EIF3E: variants seen among roughly 807,000 people sequenced by gnomAD.
EIF3E encodes eIF-3 p48.
EIF3E carries 25 observed loss-of-function variants against 59.3 expected under a neutral mutation model. The ratio of observed to expected loss-of-function variants is 0.42; its 90% confidence interval spans 0.31 to 0.59. EIF3E has a LOEUF of 0.59. EIF3E is among the 20% of genes least tolerant of loss of function. The probability of loss-of-function intolerance (pLI) is 0.15; values close to 1 mark genes in which losing one functional copy is unlikely to be tolerated. For missense variants in EIF3E, 317 were observed against 534.3 expected (o/e 0.59, Z 4.01); for synonymous variants, 176 against 170.2 (o/e 1.03, Z -0.26).
At position 108,203,456 on chromosome 8, in the gene EIF3E, C is replaced by T; in HGVS notation, c.1109G>A (p.Trp370Ter). 1 of 1,612,742 alleles carries T rather than the reference C, an allele frequency of 6.2e-7. No individual in the cohort carries two copies. The highest frequency in any genetic ancestry group is 1.1e-5 in the South Asian group (1 of 91,022). The change falls in exon 11 of 13, where the codon TGG (tryptophan) becomes TAG (stop). Residue 370 changes from tryptophan (W) to a stop codon, truncating the protein, a stop_gained. Transcript: ENST00000220849. LOFTEE classifies it high-confidence loss of function. ...TGCATTTCTAATCAAATTTACAATC[C>T]ACCTTTCAGCTTCTTCTGGAGTCAT... is the stretch of plus-strand genomic sequence containing the variant. ...LNMTPEEAER[W>*]IVNLIRNARL...
intron 1 of EIF3E, chr8:108,242,724 C>T (rs1463157198): frequency 1.0e-6 from 1 of 991,682 alleles, no homozygotes; most frequent in Non-Finnish European, 1.2e-6. Context: ...ACAGACCTTG[C>T]AATTGAAATG....
At chr8:108,202,313 T>A (rs981156873) in intron 12 of EIF3E, among the ~76,000 whole-genome samples, 2 of 152,092 alleles carry the variant, frequency 1.3e-5, no homozygotes, top group Admixed American at 1.3e-4. Flanking sequence ...AACTAAAGGA[T>A]TATTCTGCGG....
At chr8:108,208,461 G>T (rs1815145651) in intron 10 of EIF3E, among the ~76,000 whole-genome samples, 1 of 152,036 alleles carries the variant, frequency 6.6e-6, no homozygotes, top group East Asian at 1.9e-4. Flanking sequence ...ACAGGACAAA[G>T]AAAAGAGGAG....
At chr8:108,241,500 G>T (rs987875835) in intron 2 of EIF3E, among the ~76,000 whole-genome samples, 5 of 151,176 alleles carry the variant, frequency 3.3e-5, no homozygotes, top group Non-Finnish European at 7.4e-5. Context: ...AGCAACCCAA[G>T]AACTGCAACA....
intron 10 of EIF3E, among the ~76,000 whole-genome samples, chr8:108,212,316 T>C (rs558089649): frequency 1.3e-5 from 2 of 152,338 alleles, no homozygotes; most frequent in African/African-American, 4.8e-5. Flanking sequence ...TTGGAAACCA[T>C]ACTTCAAGAT....
intron 9 of EIF3E, among the ~76,000 whole-genome samples, chr8:108,215,486 T>C (rs1270933065): frequency 6.6e-6 from 1 of 151,890 alleles, no homozygotes; most frequent in Non-Finnish European, 1.5e-5. Context: ...GGCGTGGTGG[T>C]GGGCGCCTAT....
In EIF3E at chr8:108,240,029, A is replaced by C. The variant is rs1253258749; in HGVS notation, c.252T>G (p.Leu84=). The part of the protein sequence containing the change: ...RTTVVAQLKQ[L]QAETEPIVKM... ...TCACAATTGGTTCTGTTTCTGCCTG[A>C]AGCTGTTTCAGTTGTGCAACCACTG... Residue 84 remains leucine, a synonymous_variant, in exon 3 of 13, where the codon CTT becomes CTG. Transcript: ENST00000220849. The C allele has an allele frequency of 1.2e-6, 2 of 1,613,960 alleles. No homozygotes were observed. Among genetic ancestry groups the C allele is most frequent in the Admixed American group, 3.3e-5 (2 of 60,006 alleles).
At position 108,225,748 on chromosome 8, in the gene EIF3E, T is replaced by C. The variant is rs532375195; in HGVS notation, c.722+2519A>G. The stretch of plus-strand genomic sequence containing the variant: ...AACTACATGTGTGAAGCTAGGTTTT[T>C]CATCCTACAGTTAAAGCACATCACA... On this transcript the variant is annotated intron_variant, in intron 7 of 12. Coordinates refer to ENST00000220849, the MANE Select transcript of EIF3E (RefSeq NM_001568.3). 8.6e-5 allele frequency among the ~76,000 whole-genome samples: 13 copies of C among 151,676 alleles called. No individual in the cohort carries two copies. The South Asian group carries it at 2.5e-3, about 29-fold the overall frequency.
chr8:108,203,237 T>TAC, intron 11 of EIF3E, 120 bp from the exon 12 acceptor site: 1 of 1,339,036 alleles, frequency 7.5e-7, no homozygotes, highest in South Asian at 1.4e-5. Context: ...TGACAATATT[T>TAC]ACCAAGGAAG....
intron 5 of EIF3E, 38 bp downstream of exon 5, chr8:108,234,960 C>CAAAAAAAAAAAAAAAAAA: frequency 1.1e-6 from 1 of 872,008 alleles, no homozygotes; most frequent in South Asian, 2.2e-5. Flanking sequence ...CTACAAAAGA[C>CAAAAAAAAAAAAAAAAAA]AAAAAAAAAA....
At chr8:108,247,244 G>T (rs1563640152) in intron 1 of EIF3E, among the ~76,000 whole-genome samples, 1 of 152,036 alleles carries the variant, frequency 6.6e-6, no homozygotes, top group Non-Finnish European at 1.5e-5. Flanking sequence ...TAAAAAAAAT[G>T]AAATTATAAA....
intron 2 of EIF3E, among the ~76,000 whole-genome samples, chr8:108,241,478 A>C (rs1443836186): frequency 6.6e-6 from 1 of 152,144 alleles, no homozygotes; most frequent in African/African-American, 2.4e-5. Flanking sequence ...CAATGCACTA[A>C]CTGAAAAAGT....
At chr8:108,203,756 C>T (rs539582188) in intron 10 of EIF3E, among the ~76,000 whole-genome samples, 5 of 152,000 alleles carry the variant, frequency 3.3e-5, no homozygotes, top group African/African-American at 1.2e-4. Flanking sequence ...TCTGCATTTA[C>T]GGAAATCCTT....
intron 10 of EIF3E, among the ~76,000 whole-genome samples, chr8:108,208,496 A>C (rs775363770): frequency 3.3e-5 from 5 of 152,152 alleles, no homozygotes; most frequent in African/African-American, 4.8e-5. Context: ...CTAAATCCTT[A>C]TGTGAAAACT....
chr8:108,223,238 A>T (rs1311237828), intron 7 of EIF3E, among the ~76,000 whole-genome samples: 1 of 152,160 alleles, frequency 6.6e-6, no homozygotes, highest in Non-Finnish European at 1.5e-5. Context: ...GCTGGACCTT[A>T]AAAACAGATA....
At chr8:108,213,794 A>G (rs1815253465) in intron 10 of EIF3E, among the ~76,000 whole-genome samples, 1 of 152,232 alleles carries the variant, frequency 6.6e-6, no homozygotes, top group Non-Finnish European at 1.5e-5. Flanking sequence ...TTCAATTCCC[A>G]TAGGAAAAAT....
chr8:108,239,885 A>G, intron 3 of EIF3E, 73 bp downstream of exon 3: 1 of 1,207,882 alleles, frequency 8.3e-7, no homozygotes, highest in Non-Finnish European at 1.2e-6. Context: ...GGGATACTGG[A>G]TAAAGTTTGA....
At chr8:108,222,444 G>A (rs1815435999) in intron 7 of EIF3E, among the ~76,000 whole-genome samples, 1 of 152,176 alleles carries the variant, frequency 6.6e-6, no homozygotes, top group South Asian at 2.1e-4. Context: ...TAGATAAGGA[G>A]AGGAAGGAAT....
intron 7 of EIF3E, chr8:108,227,957 T>A (rs1815550306): frequency 5.1e-6 from 1 of 197,474 alleles, no homozygotes; most frequent in African/African-American, 2.3e-5. Flanking sequence ...ATGAGTTACC[T>A]GGGATCTTAT....
Sources: gnomAD v4.1 joint callset for allele counts (sites outside exome capture counted in the v4.1 genomes callset) on GRCh38, gnomAD v4.1.1 for gene constraint, MANE v1.5 for transcripts, NCBI Gene and HGNC (gene_info 2026-07-23, HGNC 2026-07-21) for gene names.